GRIK4: variants seen among roughly 807,000 people sequenced by gnomAD.
GRIK4 encodes the protein glutamate receptor ionotropic, kainate 4.
A neutral mutation model predicts 104.9 loss-of-function variants in GRIK4; 40 were observed. That is an observed-to-expected ratio of 0.38 (90% CI 0.30 to 0.50). The LOEUF is 0.50. Among genes scored for constraint, GRIK4 ranks in the 20% least tolerant of loss-of-function variants. The probability of loss-of-function intolerance (pLI) is 0.93; values close to 1 mark genes in which losing one functional copy is unlikely to be tolerated. For missense variants in GRIK4, 1,047 were observed against 1,308.1 expected (o/e 0.80, Z 3.08); for synonymous variants, 485 against 524.9 (o/e 0.92, Z 1.04).
At chr11:120,667,710 G>T (rs1366236974) in intron 3 of GRIK4, among the ~76,000 whole-genome samples, 1 of 152,228 alleles carries the variant, frequency 6.6e-6, no homozygotes, top group Non-Finnish European at 1.5e-5. Flanking sequence ...TGGGCAGCTC[G>T]TGGTGGACCC....
At chr11:120,690,878 A>C (rs1332831362) in intron 3 of GRIK4, among the ~76,000 whole-genome samples, 2 of 152,176 alleles carry the variant, frequency 1.3e-5, no homozygotes, top group African/African-American at 4.8e-5. Flanking sequence ...TCTGTCTCGC[A>C]TATTTATGGG....
At chr11:120,800,532 T>C (rs887798860) in intron 3 of GRIK4, among the ~76,000 whole-genome samples, 1 of 152,232 alleles carries the variant, frequency 6.6e-6, no homozygotes, top group African/African-American at 2.4e-5. Flanking sequence ...TGGTCACTTC[T>C]GCGGGTGGCT....
At chr11:120,685,961 G>A (rs1022672297) in intron 3 of GRIK4, among the ~76,000 whole-genome samples, 10 of 152,098 alleles carry the variant, frequency 6.6e-5, no homozygotes, top group South Asian at 2.1e-4. Context: ...CCAGCTGTGC[G>A]CAGAGTTCAA....
chr11:120,853,127 G>C, intron 8 of GRIK4, among the ~76,000 whole-genome samples: 1 of 152,144 alleles, frequency 6.6e-6, no homozygotes, highest in Non-Finnish European at 1.5e-5. Flanking sequence ...AGCTCCAAGT[G>C]ATGACAGGTA....
intron 3 of GRIK4, among the ~76,000 whole-genome samples, chr11:120,684,457 A>G (rs1426999140): frequency 6.6e-6 from 1 of 152,254 alleles, no homozygotes; most frequent in Non-Finnish European, 1.5e-5. Context: ...AAGAAAATTG[A>G]CATTATTTGA....
chr11:120,712,373 G>A (rs1260125139), intron 3 of GRIK4, among the ~76,000 whole-genome samples: 1 of 152,198 alleles, frequency 6.6e-6, no homozygotes, highest in Non-Finnish European at 1.5e-5. Flanking sequence ...AAGGACCTTA[G>A]CCAAGGCAGT....
chr11:120,627,309 C>T (rs971074725), intron 1 of GRIK4, among the ~76,000 whole-genome samples: 2 of 152,222 alleles, frequency 1.3e-5, no homozygotes, highest in African/African-American at 4.8e-5. Flanking sequence ...CTGCACTTTC[C>T]CGGTCCTCTC....
intron 3 of GRIK4, among the ~76,000 whole-genome samples, chr11:120,782,622 C>T (rs1952181434): frequency 6.6e-6 from 1 of 152,128 alleles, no homozygotes; most frequent in Non-Finnish European, 1.5e-5. Context: ...CATTGGGATG[C>T]TCTGAGGTTG....
chr11:120,980,429 C>G (rs34203183), intron 19 of GRIK4, among the ~76,000 whole-genome samples: 25,636 of 152,190 alleles, frequency 0.17, 2,190 homozygotes, highest in Middle Eastern at 0.29. Flanking sequence ...CTCCTTGGTA[C>G]ATTCCCTTTT....
intron 1 of GRIK4, among the ~76,000 whole-genome samples, chr11:120,527,666 G>A (rs533544266): frequency 2.0e-5 from 3 of 152,240 alleles, no homozygotes; most frequent in African/African-American, 7.2e-5. Context: ...AGACAGCCTC[G>A]CTCACACTAA....
At chr11:120,765,401 A>G (rs1480126104) in intron 3 of GRIK4, among the ~76,000 whole-genome samples, 1 of 152,082 alleles carries the variant, frequency 6.6e-6, no homozygotes, top group Non-Finnish European at 1.5e-5. Flanking sequence ...TTGGGTTAGT[A>G]CATGCTCCTT....
intron 16 of GRIK4, among the ~76,000 whole-genome samples, chr11:120,957,725 G>T (rs766744132): frequency 1.3e-5 from 2 of 151,658 alleles, no homozygotes; most frequent in Non-Finnish European, 2.9e-5. Context: ...TACGACCTTG[G>T]TTCTCTCCCT....
chr11:120,938,639 C>T (rs780895417), intron 13 of GRIK4, among the ~76,000 whole-genome samples: 6 of 152,206 alleles, frequency 3.9e-5, no homozygotes, highest in African/African-American at 1.2e-4. Context: ...AGTGTTTGTA[C>T]GTAGTCATTC....
chr11:120,742,399 T>C (rs1012075613), intron 3 of GRIK4, among the ~76,000 whole-genome samples: 3 of 147,766 alleles, frequency 2.0e-5, no homozygotes, highest in African/African-American at 2.5e-5. Flanking sequence ...AAAGAAGATA[T>C]ACATGCAGCC....
intron 3 of GRIK4, 119 bp from the exon 4 acceptor site, chr11:120,802,574 G>A: frequency 1.2e-6 from 1 of 835,260 alleles, no homozygotes. Flanking sequence ...TGGCAGGATG[G>A]AGAGGAACTT....
chr11:120,715,113 T>A (rs1015470643), intron 3 of GRIK4, among the ~76,000 whole-genome samples: 15 of 152,184 alleles, frequency 9.9e-5, no homozygotes, highest in African/African-American at 3.6e-4. Context: ...AGGTATAGGC[T>A]GGAAATAGGA....
chr11:120,675,401 C>T (rs1327217959), intron 3 of GRIK4, among the ~76,000 whole-genome samples: 1 of 152,206 alleles, frequency 6.6e-6, no homozygotes, highest in East Asian at 1.9e-4. Context: ...CTGAATCCCA[C>T]TTACTAGCTA....
At chr11:120,915,213 G>A (rs1245373113) in intron 13 of GRIK4, among the ~76,000 whole-genome samples, 1 of 152,020 alleles carries the variant, frequency 6.6e-6, no homozygotes. Context: ...TCACAGACAG[G>A]TGTACTTGAA....
At chr11:120,617,735 A>C (rs1949134722) in intron 1 of GRIK4, among the ~76,000 whole-genome samples, 2 of 152,124 alleles carry the variant, frequency 1.3e-5, no homozygotes, top group South Asian at 4.1e-4. Flanking sequence ...GGCTGTGTGA[A>C]GTGCTCACTC....
Sources: gnomAD v4.1 joint callset for allele counts (sites outside exome capture counted in the v4.1 genomes callset) on GRCh38, gnomAD v4.1.1 for gene constraint, MANE v1.5 for transcripts, NCBI Gene and HGNC (gene_info 2026-07-23, HGNC 2026-07-21) for gene names.